MTSS1: variants seen among roughly 807,000 people sequenced by gnomAD.
MTSS1 encodes the protein MTSS I-BAR domain containing 1.
MTSS1 carries 18 observed loss-of-function variants against 79.0 expected under a neutral mutation model. The ratio of observed to expected loss-of-function variants is 0.23; its 90% CI spans 0.16 to 0.34. The LOEUF (loss-of-function observed/expected upper bound fraction) is 0.34. Ranked by LOEUF, MTSS1 falls within the 10% of genes least tolerant of loss-of-function variation. The probability of loss-of-function intolerance (pLI) is 1.00; values close to 1 mark genes in which losing one functional copy is unlikely to be tolerated. For missense variants in MTSS1, 815 were observed against 986.2 expected (o/e 0.83, Z 2.33); for synonymous variants, 341 against 368.6 (o/e 0.93, Z 0.86).
chr8:124,600,040 C>CA (rs1175089825), intron 3 of MTSS1, among the ~76,000 whole-genome samples: 2,177 of 89,250 alleles, frequency 0.024, 17 homozygotes, highest in African/African-American at 0.038. Context: ...GGTTGTACTA[C>CA]AAAAAAAAAA....
rs768790430 is a variant in MTSS1 at position 124,555,822 on chromosome 8, C to T, written c.1487G>A (p.Arg496Gln). 6.8e-6 allele frequency: 11 copies of T among 1,613,344 alleles called. No homozygotes were observed. Among genetic ancestry groups the T allele is most frequent in the East Asian group, 4.5e-5 (2 of 44,856 alleles). The stretch of plus-strand genomic sequence containing the variant: ...GCCGCTGGAGCACTGAAGCGAGTCC[C>T]GGCTGCTCCTCTGGGTGTCCAGCTG... ...GLQLDTQRSS[R>Q]DSLQCSSGYS... The change falls in exon 13 of 14, where the codon CGG becomes CAG. Residue 496 changes from arginine to glutamine, a missense_variant. By Grantham distance (43) the Arg-to-Gln change is conservative. Around this residue, in one of 2 missense-constraint regions of MTSS1, gnomAD observed 590 missense variants for 620.8 expected, o/e 0.95. Coordinates refer to ENST00000518547, the MANE Select transcript of MTSS1 (RefSeq NM_014751.6).
rs80035027 is a variant in MTSS1 at position 124,646,627 on chromosome 8, C to A, written c.208+52899G>T. Among the ~76,000 whole-genome samples the A allele has an allele frequency of 8.1e-3, 1,229 of 152,240 alleles. 13 individuals are homozygous for A. The highest frequency in any genetic ancestry group is 0.028 in the African/African-American group (1,171 of 41,536). On this transcript the variant is annotated intron_variant, in intron 3 of 13. Transcript: ENST00000518547. ...TGGATGTGATGAAAGCAGGGTTTCT[C>A]AAGTGCTTTAAAAGACAAAATGCCC...
intron 3 of MTSS1, among the ~76,000 whole-genome samples, chr8:124,606,103 G>A (rs1474616516): frequency 6.7e-6 from 1 of 148,640 alleles, no homozygotes; most frequent in African/African-American, 2.5e-5. Context: ...AGCCTCCCAA[G>A]TAGCTGGGAC....
chr8:124,604,480 A>G (rs189195869), intron 3 of MTSS1, among the ~76,000 whole-genome samples: 54 of 152,298 alleles, frequency 3.5e-4, no homozygotes, highest in Admixed American at 1.9e-3. Context: ...TTCAAAAATA[A>G]ACCCATAAAG....
chr8:124,587,057 C>A (rs1224881429), intron 5 of MTSS1, among the ~76,000 whole-genome samples: 1 of 152,188 alleles, frequency 6.6e-6, no homozygotes, highest in Non-Finnish European at 1.5e-5. Context: ...TAGAAGGAGG[C>A]TCCTGCAGGG....
intron 1 of MTSS1, among the ~76,000 whole-genome samples, chr8:124,722,469 C>G (rs532698425): frequency 1.3e-5 from 2 of 152,148 alleles, no homozygotes; most frequent in Admixed American, 6.5e-5. Context: ...TTTGGTTGTT[C>G]GGTTGTTTCT....
At chr8:124,559,409 A>G (rs1297391388) in intron 10 of MTSS1, among the ~76,000 whole-genome samples, 1 of 152,198 alleles carries the variant, frequency 6.6e-6, no homozygotes, top group East Asian at 1.9e-4. Flanking sequence ...ATGAAGCCTC[A>G]TCAAGACAGA....
intron 6 of MTSS1, among the ~76,000 whole-genome samples, chr8:124,576,667 G>C (rs1241299804): frequency 6.6e-6 from 1 of 152,160 alleles, no homozygotes; most frequent in Non-Finnish European, 1.5e-5. Flanking sequence ...TTTATGAATG[G>C]AAGAATGGCA....
In MTSS1 at chr8:124,692,426, G is replaced by A. The variant is rs567617064; in HGVS notation, c.208+7100C>T. Among the ~76,000 whole-genome samples the A allele has an allele frequency of 3.4e-4, 51 of 152,022 alleles. 1 individual carries two copies. In the South Asian group the frequency reaches 5.2e-3, roughly 15 times the overall value. On this transcript the variant is annotated intron_variant, in intron 3 of 13. Coordinates refer to ENST00000518547, the MANE Select transcript of MTSS1 (RefSeq NM_014751.6). ...AGAAATAGTAAGACTCTAATTACAC[G>A]AAAGAGTTCTGGGCTTGAACACCAA...
At chr8:124,633,381 T>C (rs780524083) in intron 3 of MTSS1, among the ~76,000 whole-genome samples, 1 of 152,166 alleles carries the variant, frequency 6.6e-6, no homozygotes, top group Admixed American at 6.5e-5. Context: ...TGATCACATA[T>C]AGTATTGAGT....
At chr8:124,602,844 T>C (rs374784620) in intron 3 of MTSS1, among the ~76,000 whole-genome samples, 6 of 152,162 alleles carry the variant, frequency 3.9e-5, no homozygotes, top group African/African-American at 1.4e-4. Flanking sequence ...AACAAATTTT[T>C]AGGAAATGTT....
intron 3 of MTSS1, among the ~76,000 whole-genome samples, chr8:124,694,010 G>A (rs1828381495): frequency 6.6e-6 from 1 of 152,126 alleles, no homozygotes; most frequent in Non-Finnish European, 1.5e-5. Context: ...GCAAAGGCAC[G>A]AAGTCAAACC....
chr8:124,608,434 A>G lies in MTSS1; in HGVS notation c.209-17199T>C, dbSNP rs76295134. Among the ~76,000 whole-genome samples, 799 of 152,210 alleles carry G rather than the reference A, an allele frequency of 5.2e-3. 8 individuals carry two copies. The highest frequency in any genetic ancestry group is 0.017 in the African/African-American group (713 of 41,534). On this transcript the variant is annotated intron_variant, in intron 3 of 13. Transcript: ENST00000518547. ...CATCATGGCCTCGCCTCCTCCAGCA[A>G]TATCATGGCCTCGCCTCCTCCGACA... is the stretch of plus-strand genomic sequence containing the variant.
intron 1 of MTSS1, among the ~76,000 whole-genome samples, chr8:124,717,632 T>G (rs890499613): frequency 7.6e-4 from 114 of 150,484 alleles, no homozygotes; most frequent in Middle Eastern, 3.4e-3. Context: ...AGGCAGAGGT[T>G]GCAGTGAGCT....
chr8:124,591,084 C>T, intron 4 of MTSS1, 67 bp downstream of exon 4: 2 of 1,311,540 alleles, frequency 1.5e-6, no homozygotes, highest in South Asian at 1.2e-5. Context: ...GTGTGCCACA[C>T]ATGACTGCTT....
In MTSS1 at chr8:124,717,562, A is replaced by C. The variant is rs563393754; in HGVS notation, c.72+10322T>G. Among the ~76,000 whole-genome samples, 12 of 147,966 alleles carry C rather than the reference A, an allele frequency of 8.1e-5. No homozygotes were observed. In the East Asian group the frequency reaches 2.2e-3, roughly 27 times the overall value. On this transcript the variant is annotated intron_variant, in intron 1 of 13. Transcript: ENST00000518547. The stretch of plus-strand genomic sequence containing the variant: ...GCGAGCCAAGATTGCACCACTGCAC[A>C]CTCCGGCCTGGGGGACAGATACTCG...
intron 3 of MTSS1, among the ~76,000 whole-genome samples, chr8:124,677,583 TG>T (rs750083120): frequency 1.3e-5 from 2 of 152,252 alleles, no homozygotes; most frequent in Non-Finnish European, 2.9e-5. Context: ...TCTTAGCTCA[TG>T]GGCCAATAGC....
intron 2 of MTSS1, among the ~76,000 whole-genome samples, chr8:124,702,548 G>GA (rs1359067898): frequency 1.3e-5 from 2 of 152,144 alleles, no homozygotes; most frequent in Non-Finnish European, 2.9e-5. Flanking sequence ...AGGAATGAAA[G>GA]AAAAAAGGCC....
In MTSS1 at chr8:124,625,237, T is replaced by C. The variant is rs142230317; in HGVS notation, c.209-34002A>G. 1.3e-3 allele frequency among the ~76,000 whole-genome samples: 199 copies of C among 152,284 alleles called. 6 individuals carry two copies. In the East Asian group the frequency reaches 0.033, roughly 26 times the overall value. Reference sequence around the variant, plus strand: ...AAGGACACTTGATCTCTCTGAGCCTTGGTGGGCTCATCTGTAAAATGGAAC... The same window carrying C: ...AAGGACACTTGATCTCTCTGAGCCTCGGTGGGCTCATCTGTAAAATGGAAC... On this transcript the variant is annotated intron_variant, in intron 3 of 13. Coordinates refer to ENST00000518547, the MANE Select transcript of MTSS1 (RefSeq NM_014751.6).
Sources: gnomAD v4.1 joint callset for allele counts (sites outside exome capture counted in the v4.1 genomes callset) on GRCh38, gnomAD v4.1.1 for gene constraint, gnomAD v4.1.1 regional missense constraint, MANE v1.5 for transcripts, NCBI Gene and HGNC (gene_info 2026-07-23, HGNC 2026-07-21) for gene names.